The following IL4I1 variants were observed in gnomAD, a reference collection of about 807,000 sequenced individuals.
IL4I1 encodes L-amino-acid oxidase.
IL4I1 carries 24 observed loss-of-function variants against 29.7 expected under a neutral mutation model. The observed-to-expected ratio is 0.81, with a 90% CI of 0.59 to 1.14. IL4I1 has a LOEUF of 1.14. IL4I1 is among the 50% of genes most tolerant of loss of function. The probability of loss-of-function intolerance (pLI) is 0.00; values close to 1 mark genes in which losing one functional copy is unlikely to be tolerated. For synonymous variants in IL4I1, 371 were observed against 352.5 expected, an observed-to-expected ratio of 1.05 and a Z score of -0.59; for missense variants, 686 against 785.6, an observed-to-expected ratio of 0.87 and a Z score of 1.52.
At chr19:49,909,781 A>G in intron 2 of IL4I1, 1 of 1,614,138 alleles carries the variant, frequency 6.2e-7, no homozygotes, top group Non-Finnish European at 8.5e-7. Context: ...TAGGGGCCCC[A>G]GTGCCTCCAA....
intron 2 of IL4I1, among the ~76,000 whole-genome samples, chr19:49,911,840 T>C (rs987024542): frequency 2.0e-5 from 3 of 152,218 alleles, no homozygotes; most frequent in Admixed American, 2.0e-4. Context: ...GAAAGGTCTC[T>C]TCAAGAGGCC....
chr19:49,894,179 G>T, intron 5 of IL4I1, 89 bp downstream of exon 5: 2 of 1,285,018 alleles, frequency 1.6e-6, no homozygotes, highest in Non-Finnish European at 2.2e-6. Flanking sequence ...GGACTGAAGG[G>T]ATGCCAGAGA....
chr19:49,912,063 C>G (rs35843988), intron 2 of IL4I1, among the ~76,000 whole-genome samples: 22,553 of 152,048 alleles, frequency 0.15, 2,154 homozygotes, highest in Non-Finnish European at 0.22. Context: ...TAAGTTGTAG[C>G]TAAAATTTCC....
In IL4I1 at chr19:49,908,760, G is replaced by A. The variant is rs1286731286; in HGVS notation, c.-227-4439C>T. 8 of 1,613,640 alleles carry A rather than the reference G, an allele frequency of 5.0e-6. No individual in the cohort carries two copies. The highest frequency in any genetic ancestry group is 2.2e-5 in the South Asian group (2 of 91,084). ...ACCTGGGTGGCCTGCTGGAGGAAGT[G>A]CCGCTCCTGGTCCTCTAGCTCCAGG... On this transcript the variant is annotated intron_variant, in intron 2 of 9. Coordinates refer to the IL4I1 transcript ENST00000341114.
intron 2 of IL4I1, among the ~76,000 whole-genome samples, chr19:49,913,589 C>CCG (rs2075539773): frequency 6.6e-6 from 1 of 152,264 alleles, no homozygotes; most frequent in Non-Finnish European, 1.5e-5. Flanking sequence ...TGAGCACTGT[C>CCG]CGCGGGACTC....
intron 2 of IL4I1, among the ~76,000 whole-genome samples, chr19:49,914,726 G>GTTTTTTTTTTTTTTTTT (rs530372497): frequency 7.1e-5 from 4 of 56,404 alleles, no homozygotes; most frequent in East Asian, 8.1e-4. Flanking sequence ...CCAAGTCCCA[G>GTTTTTTTTTTTTTTTTT]TTTTTTTTTT....
upstream of IL4I1, among the ~76,000 whole-genome samples, chr19:49,898,783 C>T (rs1227286627): frequency 6.6e-6 from 1 of 152,058 alleles, no homozygotes; most frequent in Admixed American, 6.6e-5. Context: ...GCAGGAGAAT[C>T]GCTTGAACCC....
At position 49,890,149 on chromosome 19, in the gene IL4I1, C is replaced by A. The variant is rs112829612; in HGVS notation, c.1225G>T (p.Gly409Cys). The A allele has an allele frequency of 6.5e-7, 1 of 1,541,598 alleles. No homozygotes were observed. The highest frequency in any genetic ancestry group is 8.7e-7 in the Non-Finnish European group (1 of 1,143,310). Residue 409 changes from glycine to cysteine, a missense_variant, in exon 8 of 8, where the codon GGC becomes TGC. Coordinates refer to ENST00000391826, the MANE Select transcript of IL4I1 (RefSeq NM_152899.2). ...CGCAACGCCTCTTCCCGGCTCAAGC[C>A]GGCGAACGCTGCCGCCGCGTCCGAC... is the stretch of plus-strand genomic sequence containing the variant. ...TWSDAAAAFA[G>C]LSREEALRLA...
intron 2 of IL4I1, among the ~76,000 whole-genome samples, chr19:49,905,911 G>A (rs2075316225): frequency 6.6e-6 from 1 of 152,052 alleles, no homozygotes; most frequent in African/African-American, 2.4e-5. Context: ...CCGGTCCAAG[G>A]AAATAATGAC....
chr19:49,928,255 C>T lies in IL4I1; in HGVS notation c.-349-440G>A, dbSNP rs182747966. 3.8e-3 allele frequency: 579 copies of T among 152,392 alleles called. 4 individuals are homozygous for T. Among genetic ancestry groups the T allele is most frequent in the Non-Finnish European group, 5.8e-3 (396 of 68,102 alleles). The allele number at this position is 152,392 out of a possible 1,614,324, so 9.4% of individuals were successfully genotyped here. On this transcript the variant is annotated intron_variant, in intron 1 of 9. Coordinates refer to the IL4I1 transcript ENST00000341114. ...TGCTGAGGCCGGGAGCGATGGCTCA[C>T]GCCTGTAATCCCAGCACTTTGGGAG...
intron 2 of IL4I1, chr19:49,909,030 C>G (rs199595285): frequency 1.2e-6 from 2 of 1,613,138 alleles, no homozygotes; most frequent in Middle Eastern, 1.7e-4. Context: ...GCTCCAGGTG[C>G]CTTTAAGCTG....
chr19:49,890,337 C>T lies in IL4I1; in HGVS notation c.1037G>A (p.Arg346Lys). The change falls in exon 8 of 8, where the codon AGG (arginine) becomes AAG (lysine). Residue 346 changes from arginine (R) to lysine (K), a missense_variant. Coordinates refer to ENST00000391826, the MANE Select transcript of IL4I1 (RefSeq NM_152899.2). ...CTTGGTGGCCGGCACGTAGTGCAGC[C>T]TCCGCAGCGCCTCCTGCATGTGGCG... ...LPRHMQEALR[R>K]LHYVPATKVF... The T allele has an allele frequency of 1.9e-6, 3 of 1,607,248 alleles. No individual in the cohort carries two copies. The highest frequency in any genetic ancestry group is 2.5e-6 in the Non-Finnish European group (3 of 1,177,364).
rs185452132 is a variant in IL4I1, at chr19:49,895,311, G to T, written c.253-131C>A. On this transcript the variant is annotated intron_variant, in intron 3 of 7. Transcript: ENST00000391826. ...TGGCCCAGACCCAGACTAGGAGAGG[G>T]TCCCCTTCTGTATGGAGGTGGGGGA... 2,321 of 652,216 alleles carry T rather than the reference G, an allele frequency of 3.6e-3. 6 individuals are homozygous for T. Among genetic ancestry groups the T allele is most frequent in the Non-Finnish European group, 4.1e-3 (1,591 of 391,936 alleles). 40.4% of individuals were successfully genotyped at this position (652,216 alleles called of 1,614,324 possible). A position where few individuals can be genotyped will look rare whatever the true frequency, so the allele number is the denominator to read the frequency against.
upstream of IL4I1, among the ~76,000 whole-genome samples, chr19:49,898,622 C>T (rs1468689842): frequency 6.6e-6 from 1 of 152,212 alleles, no homozygotes; most frequent in African/African-American, 2.4e-5. Context: ...AATCCCAGCA[C>T]TTTGGGAGGC....
At chr19:49,908,995 T>A (rs760420618) in intron 2 of IL4I1, 1 of 1,610,174 alleles carries the variant, frequency 6.2e-7, no homozygotes, top group East Asian at 2.2e-5. Context: ...CAGCGGTGGA[T>A]GTTGTTGTGG....
intron 2 of IL4I1, chr19:49,907,841 G>A: frequency 3.0e-6 from 1 of 335,410 alleles, no homozygotes; most frequent in South Asian, 2.6e-5. Flanking sequence ...CTGACTTGGA[G>A]GTTCTCTTAC....
exon 3 of IL4I1, chr19:49,904,199 CT>C (rs2075295970): frequency 6.6e-6 from 1 of 152,198 alleles, no homozygotes; most frequent in Admixed American, 6.5e-5. Flanking sequence ...TGAGATTCAC[CT>C]TTAAAAGCCT....
intron 6 of IL4I1, 105 bp downstream of exon 6, chr19:49,891,300 G>A: frequency 7.0e-7 from 1 of 1,433,818 alleles, no homozygotes; most frequent in Non-Finnish European, 9.8e-7. Flanking sequence ...CAGGAAGGCG[G>A]TGGCAGGACT....
chr19:49,890,644 G>T lies in IL4I1; in HGVS notation c.774-44C>A, dbSNP rs1279181337. 18 of 1,442,702 alleles carry T rather than the reference G, an allele frequency of 1.2e-5. 1 individual carries two copies. In the South Asian group the frequency reaches 2.5e-4, roughly 20 times the overall value. 89.4% of individuals were successfully genotyped at this position (1,442,702 alleles called of 1,614,324 possible). On this transcript the variant is annotated intron_variant, in intron 7 of 7. Transcript: ENST00000391826. The stretch of plus-strand genomic sequence containing the variant: ...GGGGTGGGGGCGTGACCTGGGCTCT[G>T]CGGCCCTGCCCCTCTGCCTTGCCCC...
Sources: allele counts gnomAD v4.1 joint callset (sites outside exome capture counted in the v4.1 genomes callset), GRCh38; gene constraint gnomAD v4.1.1; transcripts MANE v1.5; gene names NCBI Gene and HGNC (gene_info 2026-07-23, HGNC 2026-07-21).